Variants in CLASP1 observed in about 807,000 individuals in gnomAD.
CLASP1 encodes the protein CLIP-associating protein 1.
CLASP1 carries 38 observed loss-of-function variants against 192.3 expected under a neutral mutation model. The ratio of observed to expected loss-of-function variants is 0.20; its 90% confidence interval spans 0.15 to 0.26. CLASP1 has a LOEUF of 0.26. Ranked by LOEUF, CLASP1 falls within the 10% of genes least tolerant of loss-of-function variation. The pLI is 1.00. For missense variants in CLASP1, 1,433 were observed against 1,932.5 expected (o/e 0.74, Z 4.85); for synonymous variants, 691 against 712.8 (o/e 0.97, Z 0.49).
At chr2:121,381,634 C>T (rs997282130) in intron 33 of CLASP1, among the ~76,000 whole-genome samples, 7 of 152,198 alleles carry the variant, frequency 4.6e-5, no homozygotes, top group Admixed American at 2.6e-4. Flanking sequence ...TGACGTTTCT[C>T]CTTCTTAGAG....
intron 2 of CLASP1, among the ~76,000 whole-genome samples, chr2:121,573,360 T>C (rs1474189003): frequency 6.6e-6 from 1 of 152,238 alleles, no homozygotes; most frequent in Non-Finnish European, 1.5e-5. Flanking sequence ...TTAAAGTCCT[T>C]TTTTAAGTGT....
At chr2:121,619,798 G>A (rs1029869095) in intron 1 of CLASP1, among the ~76,000 whole-genome samples, 1 of 152,040 alleles carries the variant, frequency 6.6e-6, no homozygotes, top group Non-Finnish European at 1.5e-5. Flanking sequence ...GATTAAAATT[G>A]CTTCTATTTT....
intron 12 of CLASP1, among the ~76,000 whole-genome samples, 171 bp from the exon 13 acceptor site, chr2:121,459,146 T>G (rs567189860): frequency 1.3e-5 from 2 of 148,402 alleles, no homozygotes; most frequent in South Asian, 4.4e-4. Context: ...CCCAAAAGTT[T>G]TGTTGTTTTT....
At chr2:121,451,736 T>C (rs952589884) in intron 15 of CLASP1, 54 bp downstream of exon 15, 2 of 1,409,192 alleles carry the variant, frequency 1.4e-6, no homozygotes, top group African/African-American at 2.9e-5. Flanking sequence ...CACCAAAGCA[T>C]TCACTCTAAA....
intron 2 of CLASP1, among the ~76,000 whole-genome samples, chr2:121,543,562 C>T (rs1045212623): frequency 6.6e-6 from 1 of 152,046 alleles, no homozygotes; most frequent in African/African-American, 2.4e-5. Context: ...TCCCAGCAGC[C>T]CCCAGCGCGC....
intron 37 of CLASP1, among the ~76,000 whole-genome samples, chr2:121,356,749 C>G (rs2065462336): frequency 6.6e-6 from 1 of 152,222 alleles, no homozygotes; most frequent in Non-Finnish European, 1.5e-5. Context: ...TGACCTCTAA[C>G]AAGACAGTCA....
intron 1 of CLASP1, among the ~76,000 whole-genome samples, chr2:121,634,566 CTAAA>C (rs1232201453): frequency 1.3e-5 from 2 of 152,206 alleles, no homozygotes. Flanking sequence ...TACAATTAAA[CTAAA>C]TACTGTCCCT....
Position 121,557,563 on chromosome 2 carries a change from G to A in CLASP1, c.196-27238C>T, listed in dbSNP as rs1404653620. On this transcript the variant is annotated intron_variant, in intron 2 of 39. Transcript: ENST00000263710. ...CGCACCACTGCACTCCAGCCTAGGC[G>A]ACAGAGTGAGACTCTGTCTCTAAAT... is the stretch of plus-strand genomic sequence containing the variant. 9.6e-4 allele frequency among the ~76,000 whole-genome samples: 146 copies of A among 151,696 alleles called. 5 individuals are homozygous for A. The highest frequency in any genetic ancestry group is 2.5e-4 in the Non-Finnish European group (17 of 67,872).
At chr2:121,606,769 A>C (rs1313873665) in intron 1 of CLASP1, among the ~76,000 whole-genome samples, 7 of 152,236 alleles carry the variant, frequency 4.6e-5, no homozygotes, top group African/African-American at 1.7e-4. Flanking sequence ...ACACAAAAAG[A>C]GAAAGGAGGT....
intron 37 of CLASP1, among the ~76,000 whole-genome samples, chr2:121,349,171 C>T (rs1254810035): frequency 4.6e-5 from 7 of 151,648 alleles, no homozygotes; most frequent in East Asian, 1.9e-4. Flanking sequence ...ACCTGGGAGG[C>T]GGAGCTTGCA....
At chr2:121,602,402 G>C (rs1025617076) in intron 2 of CLASP1, among the ~76,000 whole-genome samples, 6 of 152,054 alleles carry the variant, frequency 3.9e-5, no homozygotes, top group Admixed American at 3.9e-4. Flanking sequence ...TCTACAGATT[G>C]AATGCCATTC....
At chr2:121,633,338 A>T (rs563695586) in intron 1 of CLASP1, among the ~76,000 whole-genome samples, 13 of 152,288 alleles carry the variant, frequency 8.5e-5, no homozygotes, top group African/African-American at 3.1e-4. Context: ...AATAATGCAC[A>T]TAATAAACTT....
chr2:121,522,031 A>T (rs1056243249), intron 6 of CLASP1, among the ~76,000 whole-genome samples: 1 of 152,232 alleles, frequency 6.6e-6, no homozygotes, highest in African/African-American at 2.4e-5. Context: ...CAAGAACCCC[A>T]GAAGCAGGAA....
At chr2:121,556,642 ACAC>A (rs1394050773) in intron 2 of CLASP1, among the ~76,000 whole-genome samples, 1 of 152,182 alleles carries the variant, frequency 6.6e-6, no homozygotes, top group Non-Finnish European at 1.5e-5. Context: ...CCCCTAAGTA[ACAC>A]ATAAGCTCCA....
intron 2 of CLASP1, among the ~76,000 whole-genome samples, chr2:121,597,453 G>C (rs77714525): frequency 6.6e-6 from 1 of 152,028 alleles, no homozygotes; most frequent in Admixed American, 6.6e-5. Context: ...AATAGTGCAC[G>C]GAGAGAGAGA....
intron 39 of CLASP1, among the ~76,000 whole-genome samples, chr2:121,342,228 C>T (rs1302866105): frequency 1.3e-5 from 2 of 151,776 alleles, no homozygotes; most frequent in African/African-American, 4.8e-5. Context: ...ATCAGGTGAT[C>T]CTCCCACCTT....
At chr2:121,587,381 A>G (rs1252994812) in intron 2 of CLASP1, among the ~76,000 whole-genome samples, 2 of 152,076 alleles carry the variant, frequency 1.3e-5, no homozygotes, top group East Asian at 3.8e-4. Context: ...TTGGGCCTGG[A>G]GCTTTCCCTT....
At chr2:121,382,232 G>A in exon 33 of CLASP1, 1 of 1,609,408 alleles carries the variant, frequency 6.2e-7, no homozygotes, top group Non-Finnish European at 8.5e-7. Flanking sequence ...GCGCCTGAGA[G>A]CCTTGTGGGA....
chr2:121,633,391 A>G (rs2070179080), intron 1 of CLASP1, among the ~76,000 whole-genome samples: 1 of 152,076 alleles, frequency 6.6e-6, no homozygotes, highest in Non-Finnish European at 1.5e-5. Context: ...CACTATTCAG[A>G]AGCAAACAAA....
Sources: gnomAD v4.1 joint callset for allele counts (sites outside exome capture counted in the v4.1 genomes callset) on GRCh38, gnomAD v4.1.1 for gene constraint, MANE v1.5 for transcripts, NCBI Gene and HGNC (gene_info 2026-07-23, HGNC 2026-07-21) for gene names.